Variants in CCDC150 observed in about 807,000 individuals in gnomAD.
The protein encoded by CCDC150 is coiled-coil domain-containing protein 150.
CCDC150 carries 151 observed loss-of-function variants against 156.5 expected under a neutral mutation model. The observed-to-expected ratio is 0.97, with a 90% CI of 0.85 to 1.10. The LOEUF is 1.10. CCDC150 is among the 50% of genes least tolerant of loss of function. The pLI is 0.00. For synonymous variants in CCDC150, 452 were observed against 429.4 expected (o/e 1.05, Z -0.65); for missense variants, 1,312 against 1,268.1 (o/e 1.03, Z -0.53).
intron 13 of CCDC150, among the ~76,000 whole-genome samples, chr2:196,684,930 G>A (rs932715262): frequency 2.0e-4 from 30 of 151,870 alleles, no homozygotes; most frequent in African/African-American, 6.3e-4. Flanking sequence ...CCCCATTTGG[G>A]TATTTGGATC....
In CCDC150 at chr2:196,672,338, C is replaced by T. The variant is rs76753956; in HGVS notation, c.937-7C>T. On this transcript the variant is annotated splice_region_variant and splice_polypyrimidine_tract_variant and intron_variant, in intron 8 of 27. Transcript: ENST00000389175. ...TGTGAAAAAGAGAGTAATTTTTTTT[C>T]TTATAGAACCTGCAGATATCTTTCA... The T allele has an allele frequency of 6.8e-7, 1 of 1,461,018 alleles. No individual in the cohort carries two copies. The allele number at this position is 1,461,018 out of a possible 1,614,324, so 90.5% of individuals were successfully genotyped here.
At chr2:196,643,531 A>G (rs1692361285) in intron 1 of CCDC150, among the ~76,000 whole-genome samples, 1 of 152,236 alleles carries the variant, frequency 6.6e-6, no homozygotes, top group Non-Finnish European at 1.5e-5. Context: ...TAGGTTCCTT[A>G]GGGAAATATC....
At chr2:196,726,278 T>G in intron 22 of CCDC150, 179 bp downstream of exon 22, 2 of 576,604 alleles carry the variant, frequency 3.5e-6, no homozygotes, top group South Asian at 4.5e-5. Context: ...TCTGACATAA[T>G]TCTCTGCCCG....
chr2:196,640,739 C>T (rs1692169656), intron 1 of CCDC150, among the ~76,000 whole-genome samples: 1 of 152,226 alleles, frequency 6.6e-6, no homozygotes, highest in Admixed American at 6.5e-5. Context: ...GTATATCTAA[C>T]CACTAACCAC....
chr2:196,722,835 A>C (rs1697998493), intron 21 of CCDC150, among the ~76,000 whole-genome samples: 1 of 152,186 alleles, frequency 6.6e-6, no homozygotes, highest in Non-Finnish European at 1.5e-5. Context: ...GGTGACTATA[A>C]AATGTAGTCC....
intron 26 of CCDC150, 49 bp downstream of exon 26, chr2:196,730,994 G>T: frequency 7.0e-7 from 1 of 1,436,104 alleles, no homozygotes; most frequent in East Asian, 2.5e-5. Context: ...CTTCAACACA[G>T]CAACCCTGAA....
chr2:196,658,370 A>C (rs1020759995), intron 4 of CCDC150, among the ~76,000 whole-genome samples: 2 of 152,192 alleles, frequency 1.3e-5, no homozygotes, highest in African/African-American at 4.8e-5. Context: ...TTAATAAGAA[A>C]GAGAATAAGT....
chr2:196,711,279 A>C (rs1400729394), intron 15 of CCDC150, among the ~76,000 whole-genome samples: 1 of 152,206 alleles, frequency 6.6e-6, no homozygotes, highest in Non-Finnish European at 1.5e-5. Flanking sequence ...TGTCACCCAC[A>C]AGGCTAATTA....
intron 10 of CCDC150, among the ~76,000 whole-genome samples, chr2:196,675,920 G>A (rs900585057): frequency 1.6e-4 from 24 of 152,120 alleles, no homozygotes; most frequent in African/African-American, 5.3e-4. Flanking sequence ...AATGCATCTT[G>A]ACTATTGGCT....
intron 8 of CCDC150, among the ~76,000 whole-genome samples, chr2:196,671,456 G>T (rs138152922): frequency 0.015 from 1,898 of 125,232 alleles, 41 homozygotes; most frequent in East Asian, 0.15. Context: ...TTGAGACGGA[G>T]TCTCACTCTG....
chr2:196,711,684 G>C (rs1394379069), intron 15 of CCDC150, among the ~76,000 whole-genome samples: 1 of 152,024 alleles, frequency 6.6e-6, no homozygotes, highest in Non-Finnish European at 1.5e-5. Flanking sequence ...TATTGTGTCA[G>C]TGAAACACAA....
At chr2:196,712,608 C>T (rs1178365860) in intron 16 of CCDC150, 69 bp from the exon 17 acceptor site, 11 of 1,013,378 alleles carry the variant, frequency 1.1e-5, no homozygotes, top group Non-Finnish European at 1.7e-5. Context: ...GAAATGCTTT[C>T]ATAAAGGCAG....
At chr2:196,691,626 G>A (rs993446471) in intron 13 of CCDC150, among the ~76,000 whole-genome samples, 1 of 151,630 alleles carries the variant, frequency 6.6e-6, no homozygotes, top group African/African-American at 2.4e-5. Flanking sequence ...CTAGCTAGAA[G>A]TCTATCTATT....
rs367763876 is a variant in CCDC150 at position 196,730,843 on chromosome 2, T to C, written c.2983-16T>C. 1.3e-6 allele frequency: 2 copies of C among 1,565,466 alleles called. No individual in the cohort carries two copies. The highest frequency in any genetic ancestry group is 1.9e-5 in the Admixed American group (1 of 53,614). The stretch of plus-strand genomic sequence containing the variant: ...TATGTTGGAAGTTTATAAAAATCTT[T>C]GTATCACATTTTCAGGAATTGGAAG... On this transcript the variant is annotated splice_polypyrimidine_tract_variant and intron_variant, in intron 25 of 27. Transcript: ENST00000389175.
intron 6 of CCDC150, among the ~76,000 whole-genome samples, chr2:196,666,396 A>T (rs1382494833): frequency 6.6e-6 from 1 of 152,222 alleles, no homozygotes; most frequent in Non-Finnish European, 1.5e-5. Flanking sequence ...TGTAACTTGC[A>T]ATGCCAATAT....
At chr2:196,724,848 G>T (rs1249058587) in intron 21 of CCDC150, among the ~76,000 whole-genome samples, 2 of 152,188 alleles carry the variant, frequency 1.3e-5, no homozygotes, top group African/African-American at 4.8e-5. Context: ...GGGGAGGAGT[G>T]TGGGAATATA....
In CCDC150 at chr2:196,665,678, A is replaced by G; in HGVS notation, c.757A>G (p.Lys253Glu). 1.3e-6 allele frequency: 2 copies of G among 1,561,178 alleles called. No homozygotes were observed. Among genetic ancestry groups the G allele is most frequent in the Non-Finnish European group, 1.7e-6 (2 of 1,145,944 alleles). Residue 253 changes from lysine to glutamate, a missense_variant, in exon 6 of 28, where the codon AAA (lysine) becomes GAA (glutamate). Coordinates refer to ENST00000389175, the MANE Select transcript of CCDC150 (RefSeq NM_001080539.2). ...EMGSTVEVER[K>E]QVHILQQNCI... ...GGGATCAACAGTGGAGGTAGAACGA[A>G]AACAGGTAGAAAGATTTCTTCTCCT...
At chr2:196,639,801 TG>T in intron 1 of CCDC150, 23 bp downstream of exon 1, 1 of 1,573,194 alleles carries the variant, frequency 6.4e-7, no homozygotes, top group Non-Finnish European at 8.7e-7. Flanking sequence ...GGCCCCGGGC[TG>T]GTGAGGGGTG....
At chr2:196,640,146 C>T (rs1458391808) in intron 1 of CCDC150, among the ~76,000 whole-genome samples, 3 of 152,172 alleles carry the variant, frequency 2.0e-5, no homozygotes, top group Non-Finnish European at 4.4e-5. Flanking sequence ...GCTTGCTTAC[C>T]AGAATATAGG....
Sources: gnomAD v4.1 joint callset for allele counts (sites outside exome capture counted in the v4.1 genomes callset) on GRCh38, gnomAD v4.1.1 for gene constraint, MANE v1.5 for transcripts, NCBI Gene and HGNC (gene_info 2026-07-23, HGNC 2026-07-21) for gene names.